The following NRXN1 variants were observed in gnomAD, a reference collection of about 807,000 sequenced individuals.
NRXN1 encodes neurexin-1.
A neutral mutation model predicts 150.9 loss-of-function variants in NRXN1; 39 were observed. The observed-to-expected ratio is 0.26, with a 90% CI of 0.20 to 0.34. The LOEUF (loss-of-function observed/expected upper bound fraction) is 0.34. Ranked by LOEUF, NRXN1 falls within the 10% of genes least tolerant of loss-of-function variation. NRXN1 has a pLI of 1.00. For missense variants in NRXN1, 1,815 were observed against 1,949.9 expected, an observed-to-expected ratio of 0.93 and a Z score of 1.30; for synonymous variants, 924 against 757.0, an observed-to-expected ratio of 1.22 and a Z score of -3.62.
At chr2:50,829,395 G>A (rs572750914) in intron 5 of NRXN1, 17 of 1,237,038 alleles carry the variant, frequency 1.4e-5, no homozygotes, top group South Asian at 3.9e-5. Context: ...CCCAAAGTGC[G>A]GGGATTACAG....
chr2:50,665,755 CAT>C (rs930129419), intron 5 of NRXN1, among the ~76,000 whole-genome samples: 1 of 151,868 alleles, frequency 6.6e-6, no homozygotes, highest in Admixed American at 6.6e-5. Context: ...CTAAAAAACA[CAT>C]GTTTGGATGG....
chr2:50,379,186 C>T (rs1283162984), intron 17 of NRXN1, among the ~76,000 whole-genome samples: 1 of 152,086 alleles, frequency 6.6e-6, no homozygotes, highest in African/African-American at 2.4e-5. Flanking sequence ...AAGAGATGAA[C>T]AGAGACTGGA....
At chr2:50,759,849 T>C (rs1466846323) in intron 5 of NRXN1, among the ~76,000 whole-genome samples, 3 of 151,252 alleles carry the variant, frequency 2.0e-5, no homozygotes, top group Non-Finnish European at 4.4e-5. Flanking sequence ...TGTGTGTGTG[T>C]GTGTGTGTGT....
At chr2:50,302,852 T>C (rs1460126363) in intron 17 of NRXN1, among the ~76,000 whole-genome samples, 3 of 152,168 alleles carry the variant, frequency 2.0e-5, no homozygotes, top group African/African-American at 4.8e-5. Context: ...TCCGAATTTG[T>C]TGGATATTTA....
chr2:50,219,969 ATATATAATATATATAT>A lies in NRXN1; in HGVS notation c.3546+16804_3546+16819del, dbSNP rs1559115862. 2.6e-3 allele frequency among the ~76,000 whole-genome samples: 143 copies of A among 54,370 alleles called. 4 individuals are homozygous for A. Among genetic ancestry groups the A allele is most frequent in the African/African-American group, 0.019 (135 of 7,210 alleles). 35.7% of individuals were successfully genotyped at this position (54,370 alleles called of 152,430 possible). A position where few individuals can be genotyped will look rare whatever the true frequency, so the allele number is the denominator to read the frequency against. On this transcript the variant is annotated intron_variant, in intron 18 of 22. Coordinates refer to ENST00000401669, the MANE Select transcript of NRXN1 (RefSeq NM_001330078.2). Reference sequence around the variant, plus strand: ...TATATATATAATATATATATTATATATATATAATATATATATTATATATAATATATATTATATAATA... The same window carrying A: ...TATATATATAATATATATATTATATATATATATAATATATATTATATAATA...
chr2:50,832,019 T>C (rs1319831452), intron 5 of NRXN1, among the ~76,000 whole-genome samples: 1 of 152,200 alleles, frequency 6.6e-6, no homozygotes, highest in African/African-American at 2.4e-5. Context: ...GGATGCCATC[T>C]TCTAGGCAAC....
intron 9 of NRXN1, 94 bp downstream of exon 9, chr2:50,552,493 A>C (rs894423201): frequency 4.6e-6 from 4 of 869,302 alleles, no homozygotes; most frequent in Non-Finnish European, 7.4e-6. Context: ...AAATGCAGGA[A>C]GTCTTTAATA....
At chr2:50,426,159 A>T (rs1182055449) in intron 17 of NRXN1, among the ~76,000 whole-genome samples, 1 of 152,212 alleles carries the variant, frequency 6.6e-6, no homozygotes, top group Non-Finnish European at 1.5e-5. Flanking sequence ...ATCATGTGGA[A>T]ACTTGAAATT....
chr2:50,775,065 T>C (rs1703445828), intron 5 of NRXN1, among the ~76,000 whole-genome samples: 1 of 152,150 alleles, frequency 6.6e-6, no homozygotes, highest in Non-Finnish European at 1.5e-5. Context: ...ATCCTTTGCT[T>C]TAAGCACAAA....
chr2:50,301,370 C>T (rs2074134669), intron 17 of NRXN1, among the ~76,000 whole-genome samples: 1 of 152,134 alleles, frequency 6.6e-6, no homozygotes, highest in Non-Finnish European at 1.5e-5. Flanking sequence ...TATGGTTGAT[C>T]CAGGGTCTGA....
At chr2:50,084,601 C>G (rs7572533) in intron 19 of NRXN1, among the ~76,000 whole-genome samples, 3,267 of 152,286 alleles carry the variant, frequency 0.021, 121 homozygotes, top group African/African-American at 0.074. Context: ...CTCCACACCC[C>G]CCGCAGGCTG....
At chr2:50,300,030 T>C (rs942461437) in intron 17 of NRXN1, among the ~76,000 whole-genome samples, 2 of 152,016 alleles carry the variant, frequency 1.3e-5, no homozygotes, top group African/African-American at 2.4e-5. Flanking sequence ...ATCCTGAATA[T>C]GAAATAGAAG....
chr2:50,138,497 A>G (rs1706745001), intron 18 of NRXN1, among the ~76,000 whole-genome samples: 1 of 152,192 alleles, frequency 6.6e-6, no homozygotes, highest in Non-Finnish European at 1.5e-5. Flanking sequence ...CTTAAATGCT[A>G]TTTGTGGTTA....
chr2:50,424,144 G>C (rs1374822055), intron 17 of NRXN1, among the ~76,000 whole-genome samples: 1 of 111,990 alleles, frequency 8.9e-6, no homozygotes, highest in Non-Finnish European at 1.9e-5. Context: ...GGAGGAGGAG[G>C]GGGGGAGGAG....
At chr2:50,919,328 G>A (rs536346297) in intron 5 of NRXN1, 4 of 151,860 alleles carry the variant, frequency 2.6e-5, no homozygotes, top group Admixed American at 6.6e-5. Flanking sequence ...GACTTGAGAG[G>A]AGGATGAAGA....
intron 5 of NRXN1, among the ~76,000 whole-genome samples, chr2:50,894,381 A>T (rs1272852910): frequency 2.0e-5 from 3 of 151,558 alleles, no homozygotes; most frequent in Non-Finnish European, 4.4e-5. Context: ...AACTGAGGAA[A>T]CTGTCAATTA....
intron 2 of NRXN1, among the ~76,000 whole-genome samples, chr2:50,981,806 G>C (rs13036234): frequency 0.034 from 5,099 of 148,628 alleles, 135 homozygotes; most frequent in Non-Finnish European, 0.051. Flanking sequence ...CCTAATAATT[G>C]TTTGAATAAA....
intron 21 of NRXN1, among the ~76,000 whole-genome samples, chr2:50,005,176 C>A (rs1684559462): frequency 6.6e-6 from 1 of 152,086 alleles, no homozygotes; most frequent in Non-Finnish European, 1.5e-5. Flanking sequence ...AGATCATGTT[C>A]TTATCAAGTG....
chr2:50,391,838 C>G (rs770790265), intron 17 of NRXN1, among the ~76,000 whole-genome samples: 3 of 152,106 alleles, frequency 2.0e-5, no homozygotes, highest in Admixed American at 2.0e-4. Flanking sequence ...TCAATTATGT[C>G]TCTTCTCTTT....
Sources: gnomAD v4.1 joint callset for allele counts (sites outside exome capture counted in the v4.1 genomes callset) on GRCh38, gnomAD v4.1.1 for gene constraint, MANE v1.5 for transcripts, NCBI Gene and HGNC (gene_info 2026-07-23, HGNC 2026-07-21) for gene names.